CCNB2: variants seen among roughly 807,000 people sequenced by gnomAD.
CCNB2 encodes the protein G2/mitotic-specific cyclin-B2.
In CCNB2, 39 loss-of-function variants were observed where a neutral mutation model predicts 51.1. The observed-to-expected ratio is 0.76, with a 90% CI of 0.59 to 1.00. The LOEUF is 1.00. CCNB2 is among the 50% of genes least tolerant of loss of function. CCNB2 has a pLI of 0.00. For missense variants in CCNB2, 472 were observed against 470.3 expected (o/e 1.00, Z -0.03); for synonymous variants, 174 against 165.5 (o/e 1.05, Z -0.40).
Position 59,123,526 on chromosome 15 carries a change from C to T in CCNB2, c.985C>T (p.Gln329Ter). ...VLGQGKWNLK[Q>*]QYYTGYTENE... ...GCTTCTTGTGTTTCAGAACTTAAAG[C>T]AGCAGTATTACACAGGATACACAGA... The change falls in exon 8 of 9, where the codon CAG becomes TAG. Residue 329 changes from glutamine (Q) to a stop codon, truncating the protein, a stop_gained. Transcript: ENST00000288207. LOFTEE classifies it high-confidence loss of function. 1 of 1,605,052 alleles carries T rather than the reference C, an allele frequency of 6.2e-7. No homozygotes were observed. The highest frequency in any genetic ancestry group is 1.1e-5 in the South Asian group (1 of 90,784).
intron 3 of CCNB2, among the ~76,000 whole-genome samples, chr15:59,109,193 G>A (rs1395635246): frequency 2.0e-5 from 3 of 152,224 alleles, no homozygotes; most frequent in Admixed American, 2.0e-4. Context: ...TGGGATTACA[G>A]GTGCATGCTA....
chr15:59,120,609 G>A (rs2079298276), intron 7 of CCNB2, among the ~76,000 whole-genome samples: 1 of 151,878 alleles, frequency 6.6e-6, no homozygotes, highest in East Asian at 1.9e-4. Flanking sequence ...AATAAAAGAG[G>A]GGTTCATTTT....
Position 59,117,326 on chromosome 15 carries a change from T to C in CCNB2, c.933T>C (p.Ala311=). Residue 311 remains alanine, a synonymous_variant, in exon 7 of 9, where the codon GCT becomes GCC. Transcript: ENST00000288207. The stretch of plus-strand genomic sequence containing the variant: ...ATCATCCTTCTAAGGTAGCAGCAGC[T>C]GCTTCCTGCTTGTCTCAGAAGGTTC... ...VHYHPSKVAA[A]ASCLSQKVLG... 6.2e-7 allele frequency: 1 copy of C among 1,614,002 alleles called. No homozygotes were observed. Among genetic ancestry groups the C allele is most frequent in the Non-Finnish European group, 8.5e-7 (1 of 1,179,978 alleles).
intron 7 of CCNB2, among the ~76,000 whole-genome samples, chr15:59,122,610 G>A (rs1032144767): frequency 6.9e-6 from 1 of 145,518 alleles, no homozygotes; most frequent in Non-Finnish European, 1.5e-5. Flanking sequence ...CGTTAATATC[G>A]CTCATTACCT....
At chr15:59,124,017 T>G (rs2079314675) in intron 8 of CCNB2, 2 of 183,910 alleles carry the variant, frequency 1.1e-5, no homozygotes, top group Admixed American at 1.1e-4. Context: ...TGTATTATAT[T>G]GCGTATTCAG....
chr15:59,106,245 G>A (rs1050785891), intron 1 of CCNB2, among the ~76,000 whole-genome samples: 1 of 152,186 alleles, frequency 6.6e-6, no homozygotes, highest in African/African-American at 2.4e-5. Context: ...AGAAATTGAA[G>A]TGTGACTTTT....
Position 59,117,312 on chromosome 15 carries a change from A to G in CCNB2, c.919A>G (p.Lys307Glu). Residue 307 changes from lysine to glutamate, a missense_variant, in exon 7 of 9, where the codon AAG becomes GAG. Coordinates refer to ENST00000288207, the MANE Select transcript of CCNB2 (RefSeq NM_004701.4). Reference sequence around the variant, plus strand: ...TGATATGGTGCATTATCATCCTTCTAAGGTAGCAGCAGCTGCTTCCTGCTT... The same window carrying G: ...TGATATGGTGCATTATCATCCTTCTGAGGTAGCAGCAGCTGCTTCCTGCTT... ...DYDMVHYHPS[K>E]VAAAASCLSQ... The G allele has an allele frequency of 6.2e-7, 1 of 1,613,868 alleles. No individual in the cohort carries two copies. Among genetic ancestry groups the G allele is most frequent in the Non-Finnish European group, 8.5e-7 (1 of 1,179,908 alleles).
At chr15:59,105,884 ATTAAT>A (rs760651866) in intron 1 of CCNB2, among the ~76,000 whole-genome samples, 1 of 152,216 alleles carries the variant, frequency 6.6e-6, no homozygotes, top group Non-Finnish European at 1.5e-5. Flanking sequence ...CCCTTAAAAA[ATTAAT>A]TTCTTTACTC....
In CCNB2 at chr15:59,107,425, C is replaced by A. The variant is rs778445498; in HGVS notation, c.128C>A (p.Thr43Lys). 7.4e-6 allele frequency: 12 copies of A among 1,613,108 alleles called. No individual in the cohort carries two copies. The East Asian group carries it at 8.9e-5, about 12-fold the overall frequency. ...TTAGAAGAAATTGGAAATAGAGTTA[C>A]AACCAGAGCAGCACAAGTAGCTAAG... ...TVLEEIGNRV[T>K]TRAAQVAKKA... The change falls in exon 2 of 9, where the codon ACA becomes AAA. Residue 43 changes from threonine to lysine, a missense_variant. By Grantham distance (78) the Thr-to-Lys change is moderately conservative (BLOSUM62 -1). Coordinates refer to ENST00000288207, the MANE Select transcript of CCNB2 (RefSeq NM_004701.4).
intron 5 of CCNB2, 81 bp from the exon 6 acceptor site, chr15:59,116,609 T>A (rs2079279744): frequency 1.0e-6 from 1 of 966,498 alleles, no homozygotes; most frequent in Non-Finnish European, 1.6e-6. Context: ...TTTCCAGGAC[T>A]TGGTTTCCTT....
At position 59,123,770 on chromosome 15, in the gene CCNB2, A is replaced by G. The variant is rs2079313876; in HGVS notation, c.1086+143A>G. 4 of 623,282 alleles carry G rather than the reference A, an allele frequency of 6.4e-6. No homozygotes were observed. In the South Asian group the frequency reaches 7.6e-5, roughly 12 times the overall value. The allele number at this position is 623,282 out of a possible 1,614,324, so 38.6% of individuals were successfully genotyped here. A position where few individuals can be genotyped will look rare whatever the true frequency, so the allele number is the denominator to read the frequency against. ...TTTTAGCACAAATCCTTTATCCTTT[A>G]TATTTTTCTGGTACAGTATGGTATG... On this transcript the variant is annotated intron_variant, in intron 8 of 8. Transcript: ENST00000288207.
In CCNB2 at chr15:59,116,927, G is replaced by C; in HGVS notation, c.834+1G>C. The C allele has an allele frequency of 6.2e-7, 1 of 1,609,778 alleles. No homozygotes were observed. The highest frequency in any genetic ancestry group is 8.5e-7 in the Non-Finnish European group (1 of 1,176,226). On this transcript the variant is annotated splice_donor_variant, in intron 6 of 8. Coordinates refer to ENST00000288207, the MANE Select transcript of CCNB2 (RefSeq NM_004701.4). LOFTEE classifies it high-confidence loss of function. ...AAGGCGAGCATCAAAAGCCGGGGAG[G>C]TAAGTGCCTCCAGCTCTGTAAGAGA...
At position 59,116,895 on chromosome 15, in the gene CCNB2, ACTT is replaced by A. The variant is rs2079281376; in HGVS notation, c.807_809del (p.Phe269del). On this transcript the variant is annotated inframe_deletion, in exon 6 of 9. Coordinates refer to ENST00000288207, the MANE Select transcript of CCNB2 (RefSeq NM_004701.4). ...GAGTTGGGTCGACCCTTGCCACTAC[ACTT>A]CTTAAGGCGAGCATCAAAAGCCGGG... The A allele has an allele frequency of 1.2e-6, 2 of 1,614,094 alleles. No individual in the cohort carries two copies. Among genetic ancestry groups the A allele is most frequent in the Non-Finnish European group, 1.7e-6 (2 of 1,179,994 alleles).
intron 3 of CCNB2, among the ~76,000 whole-genome samples, chr15:59,109,273 G>T (rs1410235077): frequency 6.6e-6 from 1 of 152,070 alleles, no homozygotes; most frequent in Non-Finnish European, 1.5e-5. Flanking sequence ...TGATCCACCT[G>T]CCCCCGCCCC....
intron 1 of CCNB2, among the ~76,000 whole-genome samples, chr15:59,105,581 C>G (rs1431416704): frequency 2.0e-5 from 3 of 152,206 alleles, no homozygotes; most frequent in African/African-American, 7.2e-5. Flanking sequence ...AGCACTAGGC[C>G]TAGTACTCAG....
chr15:59,107,755 C>A, intron 3 of CCNB2, 85 bp downstream of exon 3: 1 of 946,406 alleles, frequency 1.1e-6, no homozygotes, highest in Non-Finnish European at 1.6e-6. Flanking sequence ...CATTGCTGTA[C>A]CTTCTAACGA....
Position 59,125,005 on chromosome 15 carries a change from T to C in CCNB2, c.*128T>C. 1.9e-6 allele frequency: 1 copy of C among 514,796 alleles called. No homozygotes were observed. Among genetic ancestry groups the C allele is most frequent in the Non-Finnish European group, 3.4e-6 (1 of 292,552 alleles). 31.9% of individuals were successfully genotyped at this position (514,796 alleles called of 1,614,324 possible). On this transcript the variant is annotated 3_prime_UTR_variant, in exon 9 of 9. Coordinates refer to ENST00000288207, the MANE Select transcript of CCNB2 (RefSeq NM_004701.4). ...TCTTCTCAGACCAGTTTTCTAAACA[T>C]ATATTGAGGAAAAATAAAGCGATTG...
intron 1 of CCNB2, among the ~76,000 whole-genome samples, chr15:59,107,096 G>A (rs1457555024): frequency 6.6e-6 from 1 of 152,124 alleles, no homozygotes; most frequent in Non-Finnish European, 1.5e-5. Flanking sequence ...AGGTTAGTGG[G>A]AGGATCTTTA....
intron 7 of CCNB2, among the ~76,000 whole-genome samples, chr15:59,119,673 TA>T (rs1487614086): frequency 2.6e-5 from 4 of 152,186 alleles, no homozygotes; most frequent in Admixed American, 6.5e-5. Context: ...TATTAAGGAC[TA>T]AAATTTTCAA....
Sources: allele counts gnomAD v4.1 joint callset (sites outside exome capture counted in the v4.1 genomes callset), GRCh38; gene constraint gnomAD v4.1.1; transcripts MANE v1.5; gene names NCBI Gene and HGNC (gene_info 2026-07-23, HGNC 2026-07-21).